The following CREB5 variants were observed in gnomAD, a reference collection of about 807,000 sequenced individuals.
The protein encoded by CREB5 is cAMP responsive element binding protein 5.
Under a neutral mutation model 57.1 loss-of-function variants are expected in CREB5, and 19 were observed. The observed-to-expected ratio is 0.33, with a 90% confidence interval of 0.23 to 0.49. CREB5 has a LOEUF of 0.49. Ranked by LOEUF, CREB5 falls within the 20% of genes least tolerant of loss-of-function variation. The pLI is 0.99. For missense variants in CREB5, 579 were observed against 671.6 expected, an observed-to-expected ratio of 0.86 and a Z score of 1.52; for synonymous variants, 238 against 238.3, an observed-to-expected ratio of 1.00 and a Z score of 0.01.
intron 3 of CREB5, among the ~76,000 whole-genome samples, chr7:28,495,471 G>T (rs542393853): frequency 1.1e-4 from 17 of 152,014 alleles, no homozygotes; most frequent in Non-Finnish European, 1.5e-4. Context: ...GGACCCGGGA[G>T]GGGGAGGTTG....
intron 5 of CREB5, among the ~76,000 whole-genome samples, chr7:28,634,919 A>G (rs966392638): frequency 6.6e-5 from 10 of 152,196 alleles, no homozygotes; most frequent in African/African-American, 2.2e-4. Context: ...TTAGGAATGC[A>G]TTTGCCTGCA....
intron 4 of CREB5, among the ~76,000 whole-genome samples, chr7:28,511,485 A>C (rs1792698373): frequency 6.6e-6 from 1 of 151,894 alleles, no homozygotes; most frequent in Non-Finnish European, 1.5e-5. Context: ...CTATAGGACA[A>C]TTTTTTGGGC....
chr7:28,652,258 A>G (rs1799160211), intron 5 of CREB5, among the ~76,000 whole-genome samples: 1 of 152,170 alleles, frequency 6.6e-6, no homozygotes, highest in African/African-American at 2.4e-5. Context: ...ACAGGGTAGC[A>G]TTTCATAATT....
intron 3 of CREB5, among the ~76,000 whole-genome samples, chr7:28,500,051 GCAAA>G (rs1792214729): frequency 6.6e-6 from 1 of 152,192 alleles, no homozygotes; most frequent in South Asian, 2.1e-4. Context: ...CATTCATTCA[GCAAA>G]CACTCACTGA....
chr7:28,564,758 T>C (rs558854228), intron 4 of CREB5, among the ~76,000 whole-genome samples: 2 of 152,352 alleles, frequency 1.3e-5, no homozygotes, highest in African/African-American at 4.8e-5. Context: ...TTTTGTTAGA[T>C]CTGTTTCTTG....
chr7:28,560,881 T>TGTGCGCGTGC (rs1554344374), intron 4 of CREB5, among the ~76,000 whole-genome samples: 3 of 46,204 alleles, frequency 6.5e-5, no homozygotes, highest in Non-Finnish European at 1.2e-4. Flanking sequence ...TGCGCGTGCG[T>TGTGCGCGTGC]GCGTGCGTGT....
intron 5 of CREB5, among the ~76,000 whole-genome samples, chr7:28,715,374 T>A (rs1802628254): frequency 6.6e-6 from 1 of 152,170 alleles, no homozygotes; most frequent in Non-Finnish European, 1.5e-5. Context: ...TCTAACTACC[T>A]CATTGCATTG....
intron 3 of CREB5, among the ~76,000 whole-genome samples, chr7:28,504,558 T>C (rs1792399344): frequency 6.6e-6 from 1 of 152,222 alleles, no homozygotes; most frequent in African/African-American, 2.4e-5. Flanking sequence ...GAGGACCCTC[T>C]GAATGAGAGA....
chr7:28,596,331 C>G (rs17156891), intron 5 of CREB5, among the ~76,000 whole-genome samples: 16,410 of 152,178 alleles, frequency 0.11, 1,185 homozygotes, highest in East Asian at 0.24. Flanking sequence ...AAGAAAGGAG[C>G]CAACTACCCT....
At chr7:28,516,693 G>A (rs1015324099) in intron 4 of CREB5, among the ~76,000 whole-genome samples, 2 of 152,160 alleles carry the variant, frequency 1.3e-5, no homozygotes, top group African/African-American at 4.8e-5. Context: ...GGAAAAGGTA[G>A]CTTTTCCCAG....
chr7:28,412,804 A>C lies in CREB5; in HGVS notation c.-111A>C. ...ATACTGAGGCAAATACTCAAGACTT[A>C]TTTTCTTCCTAATCTTGCTGGTGAA... On this transcript the variant is annotated 5_prime_UTR_variant, in exon 1 of 11. Coordinates refer to ENST00000357727, the MANE Select transcript of CREB5 (RefSeq NM_182898.4). The C allele has an allele frequency of 9.7e-7, 1 of 1,030,192 alleles. No homozygotes were observed. The highest frequency in any genetic ancestry group is 1.4e-6 in the Non-Finnish European group (1 of 729,678). The allele number at this position is 1,030,192 out of a possible 1,614,324, so 63.8% of individuals were successfully genotyped here. A position where few individuals can be genotyped will look rare whatever the true frequency, so the allele number is the denominator to read the frequency against.
intron 7 of CREB5, among the ~76,000 whole-genome samples, chr7:28,748,769 A>C (rs1450693996): frequency 1.3e-5 from 2 of 152,184 alleles, no homozygotes; most frequent in Non-Finnish European, 2.9e-5. Flanking sequence ...TGAGGATTTT[A>C]AGATGGTTTG....
intron 7 of CREB5, among the ~76,000 whole-genome samples, chr7:28,748,141 C>T (rs993553390): frequency 2.6e-5 from 4 of 152,206 alleles, no homozygotes; most frequent in African/African-American, 9.6e-5. Flanking sequence ...AACATGTCTG[C>T]AGGTCACTGG....
At chr7:28,347,930 G>C (rs1424271227) in intron 1 of CREB5, among the ~76,000 whole-genome samples, 1 of 152,142 alleles carries the variant, frequency 6.6e-6, no homozygotes, top group Non-Finnish European at 1.5e-5. Flanking sequence ...GGGGAGGACT[G>C]GTGTCCTTGA....
chr7:28,433,865 TTC>T (rs1197263254), intron 1 of CREB5, among the ~76,000 whole-genome samples: 1 of 151,794 alleles, frequency 6.6e-6, no homozygotes, highest in East Asian at 1.9e-4. Context: ...CTCATATTTT[TTC>T]TGTTTTCCTC....
chr7:28,595,413 T>C (rs968949134), intron 5 of CREB5, among the ~76,000 whole-genome samples: 8 of 152,218 alleles, frequency 5.3e-5, no homozygotes, highest in African/African-American at 1.9e-4. Context: ...TAGTAGGTTC[T>C]TCATATATAA....
chr7:28,697,745 A>G (rs138615581), intron 5 of CREB5, among the ~76,000 whole-genome samples: 1 of 152,230 alleles, frequency 6.6e-6, no homozygotes, highest in East Asian at 1.9e-4. Context: ...CAGCGTTGTC[A>G]TTTGTTCTTT....
At chr7:28,350,658 T>C (rs1786169414) in intron 1 of CREB5, among the ~76,000 whole-genome samples, 1 of 152,112 alleles carries the variant, frequency 6.6e-6, no homozygotes, top group South Asian at 2.1e-4. Flanking sequence ...ATGAAATCTA[T>C]TAGATTTCAT....
chr7:28,560,867 T>TGCGCGTGCGTGCGC (rs1294033526), intron 4 of CREB5, among the ~76,000 whole-genome samples: 1 of 22,046 alleles, frequency 4.5e-5, no homozygotes, highest in Non-Finnish European at 8.1e-5. Context: ...TGCGTGTGCC[T>TGCGCGTGCGTGCGC]GCGTGCGCGT....
Sources: gnomAD v4.1 joint callset for allele counts (sites outside exome capture counted in the v4.1 genomes callset) on GRCh38, gnomAD v4.1.1 for gene constraint, MANE v1.5 for transcripts, NCBI Gene and HGNC (gene_info 2026-07-23, HGNC 2026-07-21) for gene names.